The following MACF1 variants were observed in gnomAD, a reference collection of about 807,000 sequenced individuals.
The protein encoded by MACF1 is microtubule actin crosslinking factor 1, also known as microtubule-actin cross-linking factor 1.
In MACF1, 193 loss-of-function variants were observed where a neutral mutation model predicts 854.8. The observed-to-expected ratio is 0.23, with a 90% confidence interval of 0.20 to 0.25. The LOEUF (loss-of-function observed/expected upper bound fraction) is 0.25, where lower values mean the gene tolerates loss of function less well. Ranked by LOEUF, MACF1 falls within the 10% of genes least tolerant of loss-of-function variation. The pLI is 1.00. For missense variants in MACF1, 7,722 were observed against 8,929.1 expected (o/e 0.86, Z 5.45); for synonymous variants, 3,185 against 3,226.7 (o/e 0.99, Z 0.44).
intron 3 of MACF1, among the ~76,000 whole-genome samples, chr1:39,251,282 G>A (rs1207093592): frequency 6.6e-6 from 1 of 151,874 alleles, no homozygotes; most frequent in Non-Finnish European, 1.5e-5. Context: ...CTTGCTCTCT[G>A]GCTCGTGTTT....
At chr1:39,231,080 G>A in intron 1 of MACF1, 102 bp from the exon 2 acceptor site, 2 of 868,376 alleles carry the variant, frequency 2.3e-6, no homozygotes, top group Non-Finnish European at 3.9e-6. Flanking sequence ...AGTTATGTGG[G>A]TAAGTTGTTC....
chr1:39,160,851 CCTT>C (rs1474055243), intron 2 of MACF1, among the ~76,000 whole-genome samples: 1 of 152,218 alleles, frequency 6.6e-6, no homozygotes, highest in Non-Finnish European at 1.5e-5. Context: ...TGGTTACTTC[CCTT>C]CTTCTTTTCA....
At chr1:39,137,051 T>C (rs1164982156) in intron 2 of MACF1, among the ~76,000 whole-genome samples, 3 of 152,172 alleles carry the variant, frequency 2.0e-5, no homozygotes, top group Admixed American at 2.0e-4. Flanking sequence ...TTTCAAAGTT[T>C]GTTATTTTTT....
At chr1:39,371,255 T>C (rs1340559610) in intron 51 of MACF1, among the ~76,000 whole-genome samples, 1 of 147,266 alleles carries the variant, frequency 6.8e-6, no homozygotes, top group Non-Finnish European at 1.5e-5. Context: ...GAGGTGGAGG[T>C]TGCAGTGAGC....
At position 39,106,028 on chromosome 1, in the gene MACF1, GGGA is replaced by G. The variant is rs925394534; in HGVS notation, c.220+21607_220+21609del. 5.3e-5 allele frequency among the ~76,000 whole-genome samples: 8 copies of G among 152,246 alleles called. No homozygotes were observed. The East Asian group carries it at 1.2e-3, about 22-fold the overall frequency. On this transcript the variant is annotated intron_variant, in intron 2 of 93. Coordinates refer to the MACF1 transcript ENST00000361689. The stretch of plus-strand genomic sequence containing the variant: ...GACCGGCCGCCGTGGGGAGTTGCTG[GGGA>G]GGAGGAGGAGGAGGAGTTGGGCGCG...
rs1330965997 is a variant in MACF1 at position 39,485,763 on chromosome 1, C to T, written c.22637C>T (p.Ala7546Val). 1.2e-6 allele frequency: 2 copies of T among 1,610,600 alleles called. No individual in the cohort carries two copies. The highest frequency in any genetic ancestry group is 1.7e-6 in the Non-Finnish European group (2 of 1,177,534). Residue 7546 changes from alanine (A) to valine (V), a missense_variant, in exon 101 of 101, where the codon GCC (alanine) becomes GTC (valine). Ala to Val is a moderately conservative substitution (Grantham distance 64, BLOSUM62 0). Transcript: ENST00000564288. ...ACCATGTCTAAGAAGACCACCACTG[C>T]CTCCCCCAGGACTCCAGGTCCCAAG... ...IPTMSKKTTTASPRTPGPKR is the reference protein window; with the variant it reads ...IPTMSKKTTTVSPRTPGPKR
At chr1:39,453,183 G>A (rs1395555787) in intron 87 of MACF1, among the ~76,000 whole-genome samples, 2 of 152,196 alleles carry the variant, frequency 1.3e-5, no homozygotes, top group African/African-American at 2.4e-5. Flanking sequence ...TTACTAAGCT[G>A]TAGAGTATGG....
At position 39,084,204 on chromosome 1, in the gene MACF1, GC is replaced by G. The variant is rs1553123970; in HGVS notation, c.-10del. The G allele has an allele frequency of 1.2e-6, 2 of 1,610,456 alleles. No individual in the cohort carries two copies. ...TGGGCTCCCAGGCCCTCCTGCAGCAGCCCCCGCCTGGGCCATGTCTTCCTCA... is the reference window on the plus strand; with the variant it reads ...TGGGCTCCCAGGCCCTCCTGCAGCAGCCCCGCCTGGGCCATGTCTTCCTCA... On this transcript the variant is annotated 5_prime_UTR_variant, in exon 2 of 94. Transcript: ENST00000361689. This position sits in a 1 kb window ranked among gnomAD's most constrained non-coding sequence, Gnocchi z 5.2.
At chr1:39,432,452 G>T in intron 66 of MACF1, 83 bp from the exon 67 acceptor site, 2 of 1,256,430 alleles carry the variant, frequency 1.6e-6, no homozygotes, top group Non-Finnish European at 2.3e-6. Context: ...GAAAATCCAG[G>T]CCTTGCTTTG....
intron 2 of MACF1, among the ~76,000 whole-genome samples, chr1:39,088,861 C>A (rs1034417470): frequency 6.6e-6 from 1 of 152,212 alleles, no homozygotes; most frequent in African/African-American, 2.4e-5. Flanking sequence ...TTTATTATTA[C>A]AAGTTTCCTG....
At chr1:39,250,139 G>A (rs761085871) in intron 3 of MACF1, 36 bp downstream of exon 3, 3 of 1,419,552 alleles carry the variant, frequency 2.1e-6, no homozygotes, top group Non-Finnish European at 3.0e-6. Context: ...CACAATTGTG[G>A]CCCTACAAAT....
chr1:39,201,000 C>T (rs570158822), upstream of MACF1, among the ~76,000 whole-genome samples: 1 of 152,156 alleles, frequency 6.6e-6, no homozygotes, highest in African/African-American at 2.4e-5. Flanking sequence ...CCCTGCCCCC[C>T]CAAAAAACAG....
At chr1:39,143,466 C>T (rs559744618) in intron 2 of MACF1, among the ~76,000 whole-genome samples, 4 of 152,224 alleles carry the variant, frequency 2.6e-5, no homozygotes, top group Non-Finnish European at 4.4e-5. Flanking sequence ...GAGCAAGTGG[C>T]TTGTTTAGGG....
At chr1:39,391,072 C>T (rs1410767815) in intron 58 of MACF1, among the ~76,000 whole-genome samples, 1 of 151,204 alleles carries the variant, frequency 6.6e-6, no homozygotes, top group Non-Finnish European at 1.5e-5. Context: ...GATGGCGCCA[C>T]TGCACTCCAG....
At chr1:39,140,645 G>C (rs555337032) in intron 2 of MACF1, among the ~76,000 whole-genome samples, 1 of 152,110 alleles carries the variant, frequency 6.6e-6, no homozygotes, top group East Asian at 1.9e-4. Context: ...AACTGGGCAC[G>C]GTGGCTCACG....
At position 39,428,165 on chromosome 1, in the gene MACF1, C is replaced by G. The variant is rs753752162; in HGVS notation, c.16681C>G (p.Leu5561Val). The G allele has an allele frequency of 1.2e-6, 2 of 1,614,150 alleles. No individual in the cohort carries two copies. Among genetic ancestry groups the G allele is most frequent in the East Asian group, 4.5e-5 (2 of 44,884 alleles). ...LLDQALSNAR[L>V]FGEDEVEVLN... The stretch of plus-strand genomic sequence containing the variant: ...TGACCAAGCTCTGTCTAATGCTAGG[C>G]TGTTTGGGGAGGATGAGGTGGAGGT... Residue 5561 changes from leucine (L) to valine (V), a missense_variant, in exon 63 of 101, where the codon CTG (leucine) becomes GTG (valine). Around this residue, in one of 15 missense-constraint regions of MACF1, gnomAD observed 2,807 missense variants for 3,235.8 expected, o/e 0.87. Transcript: ENST00000564288.
At position 39,335,420 on chromosome 1, in the gene MACF1, G is replaced by C. The variant is rs1255007424; in HGVS notation, c.8832G>C (p.Leu2944Phe). 6.2e-7 allele frequency: 1 copy of C among 1,614,168 alleles called. No individual in the cohort carries two copies. Among genetic ancestry groups the C allele is most frequent in the Non-Finnish European group, 8.5e-7 (1 of 1,180,020 alleles). The change falls in exon 37 of 101, where the codon TTG becomes TTC. Residue 2944 changes from leucine to phenylalanine, a missense_variant. Transcript: ENST00000564288. ...GAGAAAATCAAGGGGAAGTGATTTTGGAAGTACAAGAAACATATTGTGAAA... is the reference window on the plus strand; with the variant it reads ...GAGAAAATCAAGGGGAAGTGATTTTCGAAGTACAAGAAACATATTGTGAAA... ...EIRENQGEVILEVQETYCETS... is the reference protein window; with the variant it reads ...EIRENQGEVIFEVQETYCETS...
At chr1:39,180,896 G>A (rs1235443730) in intron 2 of MACF1, among the ~76,000 whole-genome samples, 1 of 151,950 alleles carries the variant, frequency 6.6e-6, no homozygotes, top group Admixed American at 6.6e-5. Flanking sequence ...AAGACACTCT[G>A]TTACTTTTTA....
chr1:39,287,241 A>G (rs1645662990), intron 14 of MACF1, 45 bp from the exon 15 acceptor site: 1 of 1,578,188 alleles, frequency 6.3e-7, no homozygotes, highest in Non-Finnish European at 8.7e-7. Flanking sequence ...TAAAAACTAT[A>G]CTATAGATTT....
Sources: gnomAD v4.1 joint callset for allele counts (sites outside exome capture counted in the v4.1 genomes callset) on GRCh38, gnomAD v4.1.1 for gene constraint, gnomAD v4.1.1 regional missense constraint, Gnocchi (gnomAD v3.1) non-coding constraint, MANE v1.5 for transcripts, NCBI Gene and HGNC (gene_info 2026-07-23, HGNC 2026-07-21) for gene names.